The following UFSP2 variants were observed in gnomAD, a reference collection of about 807,000 sequenced individuals.
UFSP2 encodes ufm1-specific protease 2.
In UFSP2, 43 loss-of-function variants were observed where a neutral mutation model predicts 60.2. The ratio of observed to expected loss-of-function variants is 0.71; its 90% CI spans 0.56 to 0.92. The LOEUF (loss-of-function observed/expected upper bound fraction) is 0.92. Ranked by LOEUF, UFSP2 falls within the 40% of genes least tolerant of loss-of-function variation. The pLI, the probability that UFSP2 is intolerant of heterozygous loss-of-function variation, is 0.00. For missense variants in UFSP2, 520 were observed against 575.0 expected (o/e 0.90, Z 0.98); for synonymous variants, 183 against 195.1 (o/e 0.94, Z 0.52).
At chr4:185,423,779 G>A (rs1171503499) in intron 1 of UFSP2, among the ~76,000 whole-genome samples, 3 of 151,768 alleles carry the variant, frequency 2.0e-5, no homozygotes, top group African/African-American at 4.8e-5. Context: ...TACACACACA[G>A]ATACACATAT....
intron 1 of UFSP2, among the ~76,000 whole-genome samples, chr4:185,422,993 A>G (rs1431516861): frequency 6.6e-6 from 1 of 152,122 alleles, no homozygotes; most frequent in Non-Finnish European, 1.5e-5. Context: ...CATGTAGCTG[A>G]GATTACAGGC....
intron 10 of UFSP2, among the ~76,000 whole-genome samples, chr4:185,405,172 GT>G (rs781007984): frequency 1.9e-3 from 261 of 139,284 alleles, no homozygotes; most frequent in African/African-American, 3.1e-3. Flanking sequence ...TAATTTGTGT[GT>G]TTTTTTTTTT....
rs572891654 is a variant in UFSP2, at chr4:185,413,979, A to G, written c.685-107T>C. 89 of 1,003,234 alleles carry G rather than the reference A, an allele frequency of 8.9e-5. 2 individuals carry two copies. The Middle Eastern group carries it at 2.6e-3, about 30-fold the overall frequency. 62.1% of individuals were successfully genotyped at this position (1,003,234 alleles called of 1,614,324 possible). Reference sequence around the variant, plus strand: ...CATGGAAAATTATATATAGGTTATAAAAGTTTCCAAACACTTATGGTTTAA... The same window carrying G: ...CATGGAAAATTATATATAGGTTATAGAAGTTTCCAAACACTTATGGTTTAA... On this transcript the variant is annotated intron_variant, in intron 6 of 11. Coordinates refer to ENST00000264689, the MANE Select transcript of UFSP2 (RefSeq NM_018359.5).
intron 1 of UFSP2, among the ~76,000 whole-genome samples, chr4:185,424,943 C>T (rs931242507): frequency 6.6e-6 from 1 of 152,176 alleles, no homozygotes; most frequent in Non-Finnish European, 1.5e-5. Flanking sequence ...AGAAATAATA[C>T]TGAGGCTGAG....
intron 11 of UFSP2, chr4:185,402,487 T>C (rs1443918975): frequency 6.9e-6 from 2 of 288,278 alleles, no homozygotes; most frequent in Non-Finnish European, 1.4e-5. Context: ...TTAAAAACTT[T>C]TTTTTGAGCT....
chr4:185,400,972 T>A (rs1308866119), intron 11 of UFSP2, among the ~76,000 whole-genome samples: 1 of 152,234 alleles, frequency 6.6e-6, no homozygotes, highest in Non-Finnish European at 1.5e-5. Flanking sequence ...TTCCCATGTT[T>A]CATGTCAGTA....
At chr4:185,422,608 C>G (rs370065167) in intron 1 of UFSP2, 45 bp from the exon 2 acceptor site, 2 of 1,286,412 alleles carry the variant, frequency 1.6e-6, no homozygotes, top group East Asian at 2.4e-5. Context: ...TAAAACAAAA[C>G]AAACTCATAT....
At chr4:185,400,897 G>C (rs1012086137) in intron 11 of UFSP2, among the ~76,000 whole-genome samples, 1 of 152,186 alleles carries the variant, frequency 6.6e-6, no homozygotes, top group African/African-American at 2.4e-5. Flanking sequence ...AGAAACCTCA[G>C]CTTGCCCCCT....
intron 7 of UFSP2, among the ~76,000 whole-genome samples, chr4:185,410,065 T>C (rs1465187746): frequency 2.0e-5 from 3 of 152,034 alleles, no homozygotes; most frequent in East Asian, 3.8e-4. Flanking sequence ...AGGGAACAAA[T>C]ACAAGTTTCA....
At chr4:185,423,713 CAGGTAGTTGATGAT>C (rs2095553587) in intron 1 of UFSP2, among the ~76,000 whole-genome samples, 2 of 152,020 alleles carry the variant, frequency 1.3e-5, no homozygotes, top group African/African-American at 4.8e-5. Flanking sequence ...TATACTGTTT[CAGGTAGTTGATGAT>C]ATATCACAAA....
intron 11 of UFSP2, among the ~76,000 whole-genome samples, chr4:185,402,642 A>G (rs547441769): frequency 6.6e-6 from 1 of 152,084 alleles, no homozygotes; most frequent in East Asian, 1.9e-4. Context: ...CACCTGGCTT[A>G]TTTTTGCATT....
intron 1 of UFSP2, among the ~76,000 whole-genome samples, chr4:185,423,481 A>C (rs1206841444): frequency 1.3e-5 from 2 of 152,248 alleles, no homozygotes; most frequent in East Asian, 3.8e-4. Context: ...TTAGAATCTC[A>C]GACTTAGTCT....
intron 2 of UFSP2, among the ~76,000 whole-genome samples, chr4:185,421,534 T>G (rs752705732): frequency 6.6e-6 from 1 of 152,134 alleles, no homozygotes; most frequent in African/African-American, 2.4e-5. Flanking sequence ...TCTCTTTTGC[T>G]CCTTCTTTTG....
intron 11 of UFSP2, chr4:185,402,382 G>A (rs1446337416): frequency 2.0e-5 from 9 of 446,884 alleles, no homozygotes; most frequent in Middle Eastern, 3.8e-4. Flanking sequence ...ACTTAAAACT[G>A]TAACAACACA....
chr4:185,415,322 T>A lies in UFSP2; in HGVS notation c.517A>T (p.Ile173Phe). 6.3e-7 allele frequency: 1 copy of A among 1,594,248 alleles called. No homozygotes were observed. The highest frequency in any genetic ancestry group is 8.5e-7 in the Non-Finnish European group (1 of 1,175,526). ...GKVRKLLVDA[I>F]HNQLTDMEKC... The stretch of plus-strand genomic sequence containing the variant: ...TCCATGTCAGTTAGTTGATTATGAA[T>A]TGCATCAACCAGGAGTTTACGAACT... The change falls in exon 6 of 12, where the codon ATT becomes TTT. Residue 173 changes from isoleucine (I) to phenylalanine (F), a missense_variant. By Grantham distance (21) the Ile-to-Phe change is conservative. Transcript: ENST00000264689.
chr4:185,404,576 C>T (rs1487891986), intron 10 of UFSP2, among the ~76,000 whole-genome samples: 13 of 151,602 alleles, frequency 8.6e-5, no homozygotes, highest in Admixed American at 7.9e-4. Flanking sequence ...GGATTACAGG[C>T]GTGAGCCACT....
rs1484132950 is a variant in UFSP2, at chr4:185,415,715, C to G, written c.486G>C (p.Trp162Cys). 2 of 1,606,662 alleles carry G rather than the reference C, an allele frequency of 1.2e-6. No homozygotes were observed. The highest frequency in any genetic ancestry group is 2.2e-5 in the South Asian group (2 of 89,636). Residue 162 changes from tryptophan to cysteine, a missense_variant, in exon 5 of 12, where the codon TGG becomes TGC. By Grantham distance (215) the Trp-to-Cys change is radical. Transcript: ENST00000264689. ...AVISVAPEETWGKVRKLLVDA... is the reference protein window; with the variant it reads ...AVISVAPEETCGKVRKLLVDA... ...GGTACTATAAAAATACTTACTTTCC[C>G]CATGTTTCTTCTGGAGCAACAGATA... is the stretch of plus-strand genomic sequence containing the variant.
intron 7 of UFSP2, among the ~76,000 whole-genome samples, chr4:185,412,434 G>A (rs1017660453): frequency 1.3e-5 from 2 of 152,092 alleles, no homozygotes; most frequent in African/African-American, 4.8e-5. Flanking sequence ...TATCGTATAT[G>A]CATTTTTTTA....
chr4:185,410,939 C>A, intron 7 of UFSP2, among the ~76,000 whole-genome samples: 1 of 96,860 alleles, frequency 1.0e-5, no homozygotes. Context: ...GAGCAAGACT[C>A]CATCTCAAAA....
Sources: gnomAD v4.1 joint callset for allele counts (sites outside exome capture counted in the v4.1 genomes callset) on GRCh38, gnomAD v4.1.1 for gene constraint, MANE v1.5 for transcripts, NCBI Gene and HGNC (gene_info 2026-07-23, HGNC 2026-07-21) for gene names.